PDZD2: variants seen among roughly 807,000 people sequenced by gnomAD.
The protein encoded by PDZD2 is PDZ domain-containing protein 2.
In PDZD2, 90 loss-of-function variants were observed where a neutral mutation model predicts 220.7. That is an observed-to-expected ratio of 0.41 (90% CI 0.34 to 0.49). PDZD2 has a LOEUF of 0.49. Ranked by LOEUF, PDZD2 falls within the 20% of genes least tolerant of loss-of-function variation. The pLI is 0.28. For missense variants in PDZD2, 3,174 were observed against 3,608.5 expected, an observed-to-expected ratio of 0.88 and a Z score of 3.08; for synonymous variants, 1,375 against 1,450.5, an observed-to-expected ratio of 0.95 and a Z score of 1.18.
chr5:31,671,829 C>T (rs934620942), intron 1 of PDZD2, among the ~76,000 whole-genome samples: 3 of 152,196 alleles, frequency 2.0e-5, no homozygotes, highest in Non-Finnish European at 4.4e-5. Flanking sequence ...TGTAGTTATG[C>T]GGTCAGGTCT....
chr5:31,737,666 G>A (rs1409259465), intron 1 of PDZD2, among the ~76,000 whole-genome samples: 1 of 152,108 alleles, frequency 6.6e-6, no homozygotes, highest in African/African-American at 2.4e-5. Flanking sequence ...CTAAAATAAT[G>A]CAGATGTCCT....
chr5:32,011,276 CT>C (rs1436027618), intron 6 of PDZD2, among the ~76,000 whole-genome samples: 1 of 150,774 alleles, frequency 6.6e-6, no homozygotes, highest in Admixed American at 6.6e-5. Flanking sequence ...ATTGCTTGAG[CT>C]CAGGAGTCGG....
At chr5:32,078,482 A>T (rs1035366979) in intron 19 of PDZD2, among the ~76,000 whole-genome samples, 3 of 151,888 alleles carry the variant, frequency 2.0e-5, no homozygotes, top group African/African-American at 7.3e-5. Context: ...AGACAAAAAA[A>T]TTAGCTGGGC....
intron 2 of PDZD2, among the ~76,000 whole-genome samples, chr5:31,826,675 CAA>C (rs745683312): frequency 8.8e-5 from 10 of 113,624 alleles, no homozygotes; most frequent in Non-Finnish European, 1.3e-4. Flanking sequence ...GACTCTGTCT[CAA>C]AAAAAAAAAA....
chr5:32,087,543 A>G lies in PDZD2; in HGVS notation c.4095A>G (p.Thr1365=). The G allele has an allele frequency of 1.2e-6, 2 of 1,613,814 alleles. No individual in the cohort carries two copies. The highest frequency in any genetic ancestry group is 4.5e-5 in the East Asian group (2 of 44,866). ...ACCACAGTAAGGCTCTGGAAATGAC[A>G]GGAATCCATGCACCTGAAAGCTCCC... The part of the protein sequence containing the change: ...PGNHSKALEM[T]GIHAPESSQE... Residue 1365 remains threonine, a synonymous_variant, in exon 20 of 25, where the codon ACA becomes ACG. Coordinates refer to ENST00000438447, the MANE Select transcript of PDZD2 (RefSeq NM_178140.4). The surrounding 1 kb of genome is among the most constrained non-coding windows in gnomAD (Gnocchi z 4.0).
At chr5:31,827,176 A>C (rs1021911019) in intron 2 of PDZD2, among the ~76,000 whole-genome samples, 2 of 152,108 alleles carry the variant, frequency 1.3e-5, no homozygotes, top group East Asian at 3.9e-4. Context: ...GGTTCTGAAC[A>C]CTTTCTTAAT....
At chr5:31,808,651 A>C (rs1754886475) in intron 2 of PDZD2, among the ~76,000 whole-genome samples, 1 of 152,176 alleles carries the variant, frequency 6.6e-6, no homozygotes, top group African/African-American at 2.4e-5. Context: ...CTCTGACTCA[A>C]ATTCTAGAAT....
rs143947397 is a variant in PDZD2, at chr5:31,700,268, T to C, written c.-361+60831T>C. ...GCCTGATTTCGGGGCCAGGAGTGTA[T>C]GGTGGGGCCTTTCAGGAGGCAGGAG... On this transcript the variant is annotated intron_variant, in intron 1 of 24. Transcript: ENST00000438447. Among the ~76,000 whole-genome samples the C allele has an allele frequency of 5.3e-4, 80 of 151,988 alleles. 1 individual carries two copies. The highest frequency in any genetic ancestry group is 9.4e-4 in the Non-Finnish European group (64 of 67,958).
At chr5:31,778,560 G>A (rs1243544560) in intron 1 of PDZD2, among the ~76,000 whole-genome samples, 1 of 152,056 alleles carries the variant, frequency 6.6e-6, no homozygotes, top group Non-Finnish European at 1.5e-5. Context: ...CACCATGAAG[G>A]TCTGCAGCTT....
intron 2 of PDZD2, among the ~76,000 whole-genome samples, chr5:31,818,598 C>G (rs1755619776): frequency 6.6e-6 from 1 of 152,178 alleles, no homozygotes; most frequent in African/African-American, 2.4e-5. Flanking sequence ...GCACCTCTTG[C>G]TGACTGCTTG....
At chr5:32,001,990 T>A (rs1426630033) in intron 5 of PDZD2, among the ~76,000 whole-genome samples, 2 of 152,228 alleles carry the variant, frequency 1.3e-5, no homozygotes, top group Non-Finnish European at 2.9e-5. Context: ...ACGCTCTTGC[T>A]AATATGGGGA....
At chr5:32,033,436 A>G (rs902510720) in intron 6 of PDZD2, among the ~76,000 whole-genome samples, 2 of 152,210 alleles carry the variant, frequency 1.3e-5, no homozygotes, top group East Asian at 1.9e-4. Context: ...GTTTTTTGTT[A>G]TAAGAGGAAA....
rs144008771 is a variant in PDZD2, at chr5:31,654,141, C to T, written c.-361+14704C>T. 3.9e-4 allele frequency among the ~76,000 whole-genome samples: 60 copies of T among 152,244 alleles called. 2 individuals carry two copies. Among genetic ancestry groups the T allele is most frequent in the Admixed American group, 1.9e-3 (29 of 15,296 alleles). On this transcript the variant is annotated intron_variant, in intron 1 of 24. Coordinates refer to ENST00000438447, the MANE Select transcript of PDZD2 (RefSeq NM_178140.4). ...GACCCCATAGAGAAGTGGTTCTCCACGCCAATGCACATTAGAAACTGCTCC... is the reference window on the plus strand; with the variant it reads ...GACCCCATAGAGAAGTGGTTCTCCATGCCAATGCACATTAGAAACTGCTCC...
intron 5 of PDZD2, among the ~76,000 whole-genome samples, chr5:32,004,901 G>T (rs112019350): frequency 0.011 from 1,658 of 152,238 alleles, 32 homozygotes; most frequent in African/African-American, 0.035. Flanking sequence ...TTGGCCCTTG[G>T]GCATCTGTAC....
At chr5:31,879,204 G>A (rs547452685) in intron 2 of PDZD2, among the ~76,000 whole-genome samples, 2 of 151,912 alleles carry the variant, frequency 1.3e-5, no homozygotes, top group South Asian at 2.1e-4. Flanking sequence ...TGGCTAACAC[G>A]GTGAAATCCT....
intron 2 of PDZD2, among the ~76,000 whole-genome samples, chr5:31,813,157 C>G (rs977580600): frequency 5.3e-5 from 8 of 152,140 alleles, no homozygotes; most frequent in Non-Finnish European, 1.0e-4. Flanking sequence ...TATTTAAAAT[C>G]TAAGTATTCA....
intron 1 of PDZD2, among the ~76,000 whole-genome samples, chr5:31,664,360 A>T (rs1745896989): frequency 6.6e-6 from 1 of 152,034 alleles, no homozygotes; most frequent in Admixed American, 6.6e-5. Flanking sequence ...TCTCACAAAC[A>T]GCCTAGTGCA....
At chr5:32,035,024 G>A (rs1032929940) in intron 6 of PDZD2, among the ~76,000 whole-genome samples, 1 of 152,156 alleles carries the variant, frequency 6.6e-6, no homozygotes, top group Non-Finnish European at 1.5e-5. Context: ...TGTTTTGTAT[G>A]TCAGAATTAA....
chr5:31,803,906 G>C (rs868037615), intron 2 of PDZD2, among the ~76,000 whole-genome samples: 14 of 151,902 alleles, frequency 9.2e-5, no homozygotes, highest in African/African-American at 3.4e-4. Context: ...GGGCATGGTG[G>C]TGCACACCTG....
Sources: gnomAD v4.1 joint callset for allele counts (sites outside exome capture counted in the v4.1 genomes callset) on GRCh38, gnomAD v4.1.1 for gene constraint, Gnocchi (gnomAD v3.1) non-coding constraint, MANE v1.5 for transcripts, NCBI Gene and HGNC (gene_info 2026-07-23, HGNC 2026-07-21) for gene names.